The following RXFP1 variants were observed in gnomAD, a reference collection of about 807,000 sequenced individuals.
RXFP1 encodes relaxin receptor 1.
A neutral mutation model predicts 89.8 loss-of-function variants in RXFP1; 73 were observed. The observed-to-expected ratio is 0.81, with a 90% CI of 0.67 to 0.99. The LOEUF (loss-of-function observed/expected upper bound fraction) is 0.99, where lower values mean the gene tolerates loss of function less well. Ranked by LOEUF, RXFP1 falls within the 50% of genes least tolerant of loss-of-function variation. The probability of loss-of-function intolerance (pLI) is 0.00; values close to 1 mark genes in which losing one functional copy is unlikely to be tolerated. For synonymous variants in RXFP1, 277 were observed against 305.5 expected (o/e 0.91, Z 0.97); for missense variants, 793 against 895.5 (o/e 0.89, Z 1.46).
At chr4:158,605,370 A>ATG (rs1203086510) in intron 5 of RXFP1, among the ~76,000 whole-genome samples, 9 of 152,190 alleles carry the variant, frequency 5.9e-5, no homozygotes, top group Non-Finnish European at 1.3e-4. Flanking sequence ...GAACTGGAAC[A>ATG]TGTGTGCTGT....
chr4:158,596,895 T>C (rs1760720242), intron 3 of RXFP1, among the ~76,000 whole-genome samples: 1 of 152,184 alleles, frequency 6.6e-6, no homozygotes, highest in African/African-American at 2.4e-5. Context: ...AATATATTTT[T>C]GCGTGATCCT....
intron 14 of RXFP1, among the ~76,000 whole-genome samples, chr4:158,640,466 T>C (rs1342887706): frequency 6.6e-6 from 1 of 152,180 alleles, no homozygotes; most frequent in African/African-American, 2.4e-5. Context: ...CTTTTAATCA[T>C]GGCAGAGGAC....
chr4:158,553,815 G>C (rs1165605398), intron 1 of RXFP1, among the ~76,000 whole-genome samples: 1 of 152,134 alleles, frequency 6.6e-6, no homozygotes, highest in Admixed American at 6.5e-5. Flanking sequence ...CTTTACTTCT[G>C]AGCCCCTTCT....
chr4:158,643,707 G>A (rs750607707), intron 14 of RXFP1, among the ~76,000 whole-genome samples: 11 of 151,982 alleles, frequency 7.2e-5, no homozygotes, highest in South Asian at 2.1e-4. Context: ...TCCTGACTGC[G>A]TGATCCACCC....
intron 1 of RXFP1, among the ~76,000 whole-genome samples, chr4:158,535,603 A>G (rs567696603): frequency 6.6e-6 from 1 of 152,384 alleles, no homozygotes; most frequent in African/African-American, 2.4e-5. Flanking sequence ...GTCACTGGAA[A>G]GATACAGGCT....
chr4:158,601,815 C>T (rs373628661), intron 4 of RXFP1, among the ~76,000 whole-genome samples: 46 of 152,180 alleles, frequency 3.0e-4, no homozygotes, highest in South Asian at 6.2e-4. Context: ...TAAGACATTT[C>T]GCATAAATGC....
chr4:158,643,493 C>CA (rs1770815482), intron 14 of RXFP1, among the ~76,000 whole-genome samples: 1 of 95,438 alleles, frequency 1.0e-5, no homozygotes. Context: ...TTTTTGGAGA[C>CA]AGAGTCTCTC....
At chr4:158,625,720 A>G (rs976618734) in intron 9 of RXFP1, among the ~76,000 whole-genome samples, 4 of 152,124 alleles carry the variant, frequency 2.6e-5, no homozygotes, top group African/African-American at 9.7e-5. Flanking sequence ...AGGCACTTCT[A>G]TTAATACTTT....
chr4:158,585,972 C>CT (rs1427038392), intron 2 of RXFP1, among the ~76,000 whole-genome samples: 1 of 152,372 alleles, frequency 6.6e-6, no homozygotes, highest in East Asian at 1.9e-4. Flanking sequence ...TAAATTCTAG[C>CT]TGTCCTCCAA....
chr4:158,526,732 T>G (rs958692849), intron 1 of RXFP1, among the ~76,000 whole-genome samples: 13 of 151,386 alleles, frequency 8.6e-5, no homozygotes, highest in Admixed American at 6.7e-5. Context: ...TAACTGGGTC[T>G]CCTTATTTCT....
At chr4:158,625,387 ACTT>A (rs67132533) in intron 9 of RXFP1, among the ~76,000 whole-genome samples, 33,572 of 151,950 alleles carry the variant, frequency 0.22, 5,473 homozygotes, top group African/African-American at 0.45. Context: ...AAAAGAAACA[ACTT>A]CTCTGGATAT....
chr4:158,532,890 A>G (rs1468577009), intron 1 of RXFP1, among the ~76,000 whole-genome samples: 1 of 152,174 alleles, frequency 6.6e-6, no homozygotes, highest in African/African-American at 2.4e-5. Context: ...TTTGAGCTGG[A>G]CATTAGGATT....
At chr4:158,551,009 C>T (rs1249426655) in intron 1 of RXFP1, among the ~76,000 whole-genome samples, 1 of 150,110 alleles carries the variant, frequency 6.7e-6, no homozygotes, top group Non-Finnish European at 1.5e-5. Flanking sequence ...TACTGACCAA[C>T]ATGAAAGGAG....
intron 3 of RXFP1, among the ~76,000 whole-genome samples, chr4:158,594,535 A>G (rs1314620795): frequency 6.6e-6 from 1 of 152,186 alleles, no homozygotes; most frequent in Non-Finnish European, 1.5e-5. Flanking sequence ...AGTGCCTAAA[A>G]TAAATAGTGC....
At chr4:158,530,619 T>C (rs1052382057) in intron 1 of RXFP1, among the ~76,000 whole-genome samples, 93 of 152,360 alleles carry the variant, frequency 6.1e-4, no homozygotes, top group African/African-American at 2.1e-3. Context: ...TCATCAGTCA[T>C]GCTTTCTGTT....
intron 1 of RXFP1, among the ~76,000 whole-genome samples, chr4:158,547,988 C>A (rs990025342): frequency 1.3e-5 from 2 of 152,130 alleles, no homozygotes; most frequent in African/African-American, 4.8e-5. Context: ...GAGCTGAGTT[C>A]AATTCCTGGG....
chr4:158,547,805 G>A (rs1748903867), intron 1 of RXFP1, among the ~76,000 whole-genome samples: 1 of 152,152 alleles, frequency 6.6e-6, no homozygotes. Context: ...TCGCACTGTG[G>A]TCTGAGAGAC....
intron 1 of RXFP1, among the ~76,000 whole-genome samples, chr4:158,566,423 G>T (rs1753562131): frequency 6.6e-6 from 1 of 152,074 alleles, no homozygotes; most frequent in Non-Finnish European, 1.5e-5. Flanking sequence ...GAGTGCAGTG[G>T]TGCAATCTCG....
chr4:158,566,486 C>G (rs1409802763), intron 1 of RXFP1, among the ~76,000 whole-genome samples: 1 of 152,148 alleles, frequency 6.6e-6, no homozygotes, highest in Non-Finnish European at 1.5e-5. Flanking sequence ...GCCTCAGCCT[C>G]CCGAGTAGCT....
Sources: allele counts gnomAD v4.1 joint callset (sites outside exome capture counted in the v4.1 genomes callset), GRCh38; gene constraint gnomAD v4.1.1; transcripts MANE v1.5; gene names NCBI Gene and HGNC (gene_info 2026-07-23, HGNC 2026-07-21).